RGSL1: variants seen among roughly 807,000 people sequenced by gnomAD.
RGSL1 encodes the protein regulator of G protein signaling protein-like.
In RGSL1, 97 loss-of-function variants were observed where a neutral mutation model predicts 124.7. The observed-to-expected ratio is 0.78, with a 90% CI of 0.66 to 0.92. RGSL1 has a LOEUF of 0.92. RGSL1 is among the 40% of genes least tolerant of loss of function. RGSL1 has a pLI of 0.00. For missense variants in RGSL1, 1,233 were observed against 1,288.4 expected (o/e 0.96, Z 0.66); for synonymous variants, 424 against 438.1 (o/e 0.97, Z 0.40).
intron 2 of RGSL1, among the ~76,000 whole-genome samples, chr1:182,454,624 GTGGC>G (rs1322534456): frequency 7.4e-6 from 1 of 135,248 alleles, no homozygotes; most frequent in East Asian, 2.3e-4. Context: ...GTGTGTGTGT[GTGGC>G]CCCCAGTAGA....
Position 182,531,831 on chromosome 1 carries a change from G to A in RGSL1, c.2365-831G>A, listed in dbSNP as rs138766703. Among the ~76,000 whole-genome samples, 1,106 of 152,238 alleles carry A rather than the reference G, an allele frequency of 7.3e-3. 15 individuals carry two copies. The highest frequency in any genetic ancestry group is 0.027 in the Middle Eastern group (8 of 294). On this transcript the variant is annotated intron_variant, in intron 13 of 21. Coordinates refer to ENST00000294854, the MANE Select transcript of RGSL1 (RefSeq NM_001137669.2). ...CTACTGTTTGCCAAGCATTGCATTG[G>A]GGTTTACATATAAGTCTCACTGCAA...
rs866998368 is a variant in RGSL1, at chr1:182,509,644, C to T, written c.1826-12360C>T. 1.5e-3 allele frequency among the ~76,000 whole-genome samples: 191 copies of T among 131,580 alleles called. 1 individual carries two copies. The highest frequency in any genetic ancestry group is 2.4e-3 in the Non-Finnish European group (145 of 60,698). 86.3% of individuals were successfully genotyped at this position (131,580 alleles called of 152,430 possible). A position where few individuals can be genotyped will look rare whatever the true frequency, so the allele number is the denominator to read the frequency against. On this transcript the variant is annotated intron_variant, in intron 9 of 21. Coordinates refer to ENST00000294854, the MANE Select transcript of RGSL1 (RefSeq NM_001137669.2). ...GCAGAGGCGCCCCTCACCTCCCGGA[C>T]GGGGCGGCTGGCCGGGCGGGGGGCT...
intron 6 of RGSL1, among the ~76,000 whole-genome samples, chr1:182,476,555 C>CG (rs1654303977): frequency 6.6e-6 from 1 of 152,296 alleles, no homozygotes; most frequent in Admixed American, 6.5e-5. Context: ...ACTGATGCCT[C>CG]GGTGTCTACC....
chr1:182,502,252 C>G (rs970752832), intron 9 of RGSL1, among the ~76,000 whole-genome samples: 1 of 152,112 alleles, frequency 6.6e-6, no homozygotes, highest in Non-Finnish European at 1.5e-5. Flanking sequence ...TCTGTTTCCA[C>G]TCTAGTCTTT....
intron 4 of RGSL1, among the ~76,000 whole-genome samples, chr1:182,467,499 C>G (rs570277229): frequency 6.6e-6 from 1 of 152,124 alleles, no homozygotes; most frequent in East Asian, 1.9e-4. Flanking sequence ...ACAAACCTGA[C>G]AAAAACAAGA....
At position 182,553,532 on chromosome 1, in the gene RGSL1, G is replaced by T. The variant is rs1375348262; in HGVS notation, c.3121G>T (p.Val1041Phe). The T allele has an allele frequency of 6.4e-7, 1 of 1,551,700 alleles. No individual in the cohort carries two copies. Among genetic ancestry groups the T allele is most frequent in the African/African-American group, 1.4e-5 (1 of 73,048 alleles). ...LQPQREAISSVQNSSSSKLTQ... is the reference protein window; with the variant it reads ...LQPQREAISSFQNSSSSKLTQ... ...GCCTCAACGGGAAGCAATAAGTTCA[G>T]TTCAAAATTGTGAGTTGGAATTGGA... The change falls in exon 19 of 22, where the codon GTT (valine) becomes TTT (phenylalanine). Residue 1041 changes from valine to phenylalanine, a missense_variant. Transcript: ENST00000294854.
intron 9 of RGSL1, among the ~76,000 whole-genome samples, chr1:182,508,819 C>T (rs985505066): frequency 2.4e-5 from 3 of 122,498 alleles, no homozygotes; most frequent in African/African-American, 9.6e-5. Flanking sequence ...TTTTCCTAGG[C>T]AGAGGACCCT....
At chr1:182,551,452 C>G (rs886530949) in intron 18 of RGSL1, among the ~76,000 whole-genome samples, 1 of 152,302 alleles carries the variant, frequency 6.6e-6, no homozygotes, top group East Asian at 1.9e-4. Flanking sequence ...CTGTGCATGC[C>G]GGTCACAGTC....
At chr1:182,511,655 A>G (rs942535660) in intron 9 of RGSL1, among the ~76,000 whole-genome samples, 1 of 152,192 alleles carries the variant, frequency 6.6e-6, no homozygotes, top group Non-Finnish European at 1.5e-5. Flanking sequence ...GTAGCTTTGT[A>G]GTAAATTTTG....
intron 7 of RGSL1, 121 bp downstream of exon 7, chr1:182,488,468 C>A: frequency 2.1e-6 from 2 of 932,872 alleles, no homozygotes; most frequent in Non-Finnish European, 3.3e-6. Context: ...TAGAGTCAAC[C>A]AAAGATCAGC....
chr1:182,530,446 C>T, intron 12 of RGSL1, 85 bp downstream of exon 12: 3 of 1,046,510 alleles, frequency 2.9e-6, no homozygotes, highest in Non-Finnish European at 4.2e-6. Context: ...GTTTCCTAAT[C>T]CATTTTCATA....
rs1400630105 is a variant in RGSL1 at position 182,540,538 on chromosome 1, G to A, written c.2669+117G>A. The A allele has an allele frequency of 3.9e-6, 3 of 774,026 alleles. No homozygotes were observed. The East Asian group carries it at 9.7e-5, about 25-fold the overall frequency. 47.9% of individuals were successfully genotyped at this position (774,026 alleles called of 1,614,324 possible). Reference sequence around the variant, plus strand: ...CAGTGATTTCAGACCTGTCCAGTAAGAGTCTCTCCTTCTGAAAATCTTACT... The same window carrying A: ...CAGTGATTTCAGACCTGTCCAGTAAAAGTCTCTCCTTCTGAAAATCTTACT... On this transcript the variant is annotated intron_variant, in intron 15 of 21. Transcript: ENST00000294854.
chr1:182,552,794 AG>A (rs2102335277), intron 18 of RGSL1, among the ~76,000 whole-genome samples: 1 of 152,320 alleles, frequency 6.6e-6, no homozygotes, highest in African/African-American at 2.4e-5. Context: ...AGGGCAAGAG[AG>A]TGTGAGAGAG....
At chr1:182,455,358 G>A (rs532915749) in intron 2 of RGSL1, among the ~76,000 whole-genome samples, 1 of 152,282 alleles carries the variant, frequency 6.6e-6, no homozygotes, top group African/African-American at 2.4e-5. Flanking sequence ...AAGGTGGGGG[G>A]ATCACCTGAA....
intron 9 of RGSL1, among the ~76,000 whole-genome samples, chr1:182,512,956 TG>T (rs1353647811): frequency 6.6e-6 from 1 of 152,174 alleles, no homozygotes; most frequent in East Asian, 1.9e-4. Context: ...CTCTTTTGTT[TG>T]TCTGTCCATG....
intron 17 of RGSL1, 62 bp from the exon 18 acceptor site, chr1:182,551,038 C>G (rs1021735505): frequency 1.8e-6 from 2 of 1,121,306 alleles, no homozygotes; most frequent in African/African-American, 1.5e-5. Context: ...CCCCTGTGCT[C>G]GGTGCTCCAG....
chr1:182,468,947 C>T (rs947578179), intron 4 of RGSL1, among the ~76,000 whole-genome samples: 2 of 151,990 alleles, frequency 1.3e-5, no homozygotes, highest in Admixed American at 1.3e-4. Context: ...ACAAACAGTC[C>T]TGGGTAAACT....
intron 9 of RGSL1, among the ~76,000 whole-genome samples, chr1:182,497,900 T>C (rs910397383): frequency 1.3e-5 from 2 of 152,104 alleles, no homozygotes; most frequent in Non-Finnish European, 2.9e-5. Context: ...TTCCCACCCC[T>C]CTTTTTGTAG....
chr1:182,449,974 T>C, upstream of RGSL1: 4 of 642,406 alleles, frequency 6.2e-6, no homozygotes, highest in South Asian at 5.5e-5. Context: ...TCCAAGGGGA[T>C]TCAGCAGATT....
Sources: allele counts gnomAD v4.1 joint callset (sites outside exome capture counted in the v4.1 genomes callset), GRCh38; gene constraint gnomAD v4.1.1; transcripts MANE v1.5; gene names NCBI Gene and HGNC (gene_info 2026-07-23, HGNC 2026-07-21).